REEP3: variants seen among roughly 807,000 people sequenced by gnomAD.
The protein encoded by REEP3 is receptor accessory protein 3, also known as receptor expression-enhancing protein 3.
In REEP3, 20 loss-of-function variants were observed where a neutral mutation model predicts 41.3. The observed-to-expected ratio is 0.48, with a 90% CI of 0.34 to 0.70. The LOEUF is 0.70. Among genes scored for constraint, REEP3 ranks in the 30% least tolerant of loss-of-function variants. The pLI, the probability that REEP3 is intolerant of heterozygous loss-of-function variation, is 0.01. For synonymous variants in REEP3, 104 were observed against 101.8 expected, an observed-to-expected ratio of 1.02 and a Z score of -0.13; for missense variants, 271 against 308.8, an observed-to-expected ratio of 0.88 and a Z score of 0.92.
intron 2 of REEP3, among the ~76,000 whole-genome samples, chr10:63,577,481 TG>T (rs1028736430): frequency 6.6e-6 from 1 of 152,152 alleles, no homozygotes; most frequent in African/African-American, 2.4e-5. Context: ...TGGAGTGCAG[TG>T]GTGCCATCAT....
rs537656113 is a variant in REEP3 at position 63,608,209 on chromosome 10, A to G, written c.418-1978A>G. Among the ~76,000 whole-genome samples the G allele has an allele frequency of 9.8e-5, 15 of 152,344 alleles. No individual in the cohort carries two copies. In the South Asian group the frequency reaches 2.1e-3, roughly 21 times the overall value. On this transcript the variant is annotated intron_variant, in intron 5 of 7. Coordinates refer to ENST00000373758, the MANE Select transcript of REEP3 (RefSeq NM_001001330.3). The stretch of plus-strand genomic sequence containing the variant: ...ACTATCTGTTTGATAAGTAAATGAT[A>G]TCTAATAAGGAGGAAGCAAGTATAA...
chr10:63,529,782 T>C (rs1032801461), intron 1 of REEP3, among the ~76,000 whole-genome samples: 15 of 150,850 alleles, frequency 9.9e-5, no homozygotes, highest in Non-Finnish European at 1.9e-4. Context: ...TGTGATTCTT[T>C]TTTTTTTTTT....
intron 5 of REEP3, among the ~76,000 whole-genome samples, chr10:63,605,213 C>T (rs1021395605): frequency 5.9e-5 from 9 of 152,134 alleles, no homozygotes; most frequent in Non-Finnish European, 7.3e-5. Flanking sequence ...ATTTTTACTT[C>T]CTTTTTAAAA....
intron 3 of REEP3, among the ~76,000 whole-genome samples, chr10:63,596,624 G>A (rs1461096590): frequency 6.6e-6 from 1 of 152,090 alleles, no homozygotes. Context: ...AAGATACTGA[G>A]CCTCTCATTA....
intron 6 of REEP3, among the ~76,000 whole-genome samples, chr10:63,613,419 A>T (rs1956290459): frequency 6.6e-6 from 1 of 152,248 alleles, no homozygotes; most frequent in Non-Finnish European, 1.5e-5. Context: ...AATATGAAGT[A>T]TGTGGTAGCA....
At chr10:63,590,907 G>A (rs761638717) in intron 2 of REEP3, among the ~76,000 whole-genome samples, 6 of 152,118 alleles carry the variant, frequency 3.9e-5, no homozygotes, top group Non-Finnish European at 5.9e-5. Flanking sequence ...AAGGTGATTT[G>A]TGATTTATTA....
intron 2 of REEP3, among the ~76,000 whole-genome samples, chr10:63,591,639 A>C (rs901468019): frequency 1.3e-5 from 2 of 152,170 alleles, no homozygotes; most frequent in East Asian, 1.9e-4. Context: ...TAAACAGATA[A>C]TTTTTACTTT....
chr10:63,596,908 G>T (rs1956120495), intron 3 of REEP3, among the ~76,000 whole-genome samples: 1 of 152,208 alleles, frequency 6.6e-6, no homozygotes, highest in African/African-American at 2.4e-5. Flanking sequence ...CTCCCAAAGT[G>T]CTGGGATTAC....
chr10:63,616,728 A>G (rs905117399), intron 6 of REEP3, among the ~76,000 whole-genome samples: 7 of 152,126 alleles, frequency 4.6e-5, no homozygotes, highest in African/African-American at 1.7e-4. Context: ...TTCCTTTCTG[A>G]CTTTTTCCTT....
intron 1 of REEP3, among the ~76,000 whole-genome samples, chr10:63,537,189 C>T (rs980353677): frequency 6.6e-6 from 1 of 152,038 alleles, no homozygotes; most frequent in African/African-American, 2.4e-5. Flanking sequence ...ACTTAGAAGC[C>T]TCAACTTGGA....
At position 63,620,850 on chromosome 10, in the gene REEP3, G is replaced by A. The variant is rs767187683; in HGVS notation, c.749G>A (p.Arg250Gln). The A allele has an allele frequency of 4.7e-5, 75 of 1,607,016 alleles. 1 individual carries two copies. The highest frequency in any genetic ancestry group is 1.6e-4 in the South Asian group (14 of 90,222). ...YGSLKYKVKK[R>Q]PQVYF ...TCACTAAAATACAAAGTGAAGAAAC[G>A]ACCACAAGTGTATTTTTAGTCATCT... Residue 250 changes from arginine (R) to glutamine (Q), a missense_variant, in exon 8 of 8, where the codon CGA (arginine) becomes CAA (glutamine). Coordinates refer to ENST00000373758, the MANE Select transcript of REEP3 (RefSeq NM_001001330.3).
At chr10:63,556,004 T>C (rs564709964) in intron 1 of REEP3, among the ~76,000 whole-genome samples, 2 of 152,274 alleles carry the variant, frequency 1.3e-5, no homozygotes, top group East Asian at 3.9e-4. Flanking sequence ...CATTTATCTC[T>C]TTATTTATGA....
At position 63,622,001 on chromosome 10, in the gene REEP3, AC is replaced by A. The variant is rs1255011257; in HGVS notation, c.*1133del. The A allele has an allele frequency of 6.6e-6, 1 of 152,206 alleles. No individual in the cohort carries two copies. Among genetic ancestry groups the A allele is most frequent in the Admixed American group, 6.5e-5 (1 of 15,282 alleles). 9.4% of individuals were successfully genotyped at this position (152,206 alleles called of 1,614,324 possible). A position where few individuals can be genotyped will look rare whatever the true frequency, so the allele number is the denominator to read the frequency against. ...CATTAGAAATTATTAGAAACATATT[AC>A]TTTTTAACTTTAAATCTCAAAGAGA... is the stretch of plus-strand genomic sequence containing the variant. On this transcript the variant is annotated 3_prime_UTR_variant, in exon 8 of 8. Coordinates refer to ENST00000373758, the MANE Select transcript of REEP3 (RefSeq NM_001001330.3).
Position 63,623,874 on chromosome 10 carries a change from TTAAAG to T in REEP3, c.*3008_*3012del, listed in dbSNP as rs1286501619. On this transcript the variant is annotated 3_prime_UTR_variant, in exon 8 of 8. Coordinates refer to ENST00000373758, the MANE Select transcript of REEP3 (RefSeq NM_001001330.3). The stretch of plus-strand genomic sequence containing the variant: ...TACACTGATTGATGGGACAAAATGA[TTAAAG>T]TATTTTCAGGGATCTTATTCCATAT... The T allele has an allele frequency of 6.5e-6, 1 of 153,970 alleles. No homozygotes were observed. The highest frequency in any genetic ancestry group is 2.4e-5 in the African/African-American group (1 of 41,418). The allele number at this position is 153,970 out of a possible 1,614,324, so 9.5% of individuals were successfully genotyped here.
At chr10:63,571,907 A>G (rs1955855898) in intron 2 of REEP3, among the ~76,000 whole-genome samples, 1 of 152,186 alleles carries the variant, frequency 6.6e-6, no homozygotes, top group South Asian at 2.1e-4. Context: ...ATTCTATTCT[A>G]CCATGCTACC....
intron 1 of REEP3, among the ~76,000 whole-genome samples, chr10:63,562,134 T>C (rs571350633): frequency 8.4e-4 from 128 of 151,644 alleles, no homozygotes; most frequent in Non-Finnish European, 1.6e-3. Flanking sequence ...GTGGTGGGGG[T>C]GCTAAGTTAA....
chr10:63,625,051 T>G lies in REEP3; in HGVS notation c.*4182T>G, dbSNP rs1237701405. On this transcript the variant is annotated 3_prime_UTR_variant, in exon 8 of 8. Transcript: ENST00000373758. ...AGATAGCATTTTAAATGGAATTATT[T>G]TCATTTTCATTATGAGGTATATACT... 2.0e-5 allele frequency: 3 copies of G among 152,156 alleles called. No individual in the cohort carries two copies. In the East Asian group the frequency reaches 5.8e-4, roughly 29 times the overall value. 9.4% of individuals were successfully genotyped at this position (152,156 alleles called of 1,614,324 possible). A position where few individuals can be genotyped will look rare whatever the true frequency, so the allele number is the denominator to read the frequency against.
intron 1 of REEP3, among the ~76,000 whole-genome samples, chr10:63,564,164 G>A (rs1955773800): frequency 6.6e-6 from 1 of 152,138 alleles, no homozygotes; most frequent in South Asian, 2.1e-4. Context: ...GGGAAACTGG[G>A]TATGTAGTAT....
intron 6 of REEP3, among the ~76,000 whole-genome samples, chr10:63,611,745 GTTCCTTCTTAA>G (rs1165461410): frequency 6.6e-6 from 1 of 150,670 alleles, no homozygotes. Context: ...TAAAAAAACT[GTTCCTTCTTAA>G]AAAAGGAAAA....
Sources: gnomAD v4.1 joint callset for allele counts (sites outside exome capture counted in the v4.1 genomes callset) on GRCh38, gnomAD v4.1.1 for gene constraint, MANE v1.5 for transcripts, NCBI Gene and HGNC (gene_info 2026-07-23, HGNC 2026-07-21) for gene names.